The following TENM4 variants were observed in gnomAD, a reference collection of about 807,000 sequenced individuals.
TENM4 encodes the protein teneurin transmembrane protein 4, also known as teneurin-4.
A neutral mutation model predicts 243.3 loss-of-function variants in TENM4; 82 were observed. The ratio of observed to expected loss-of-function variants is 0.34; its 90% CI spans 0.28 to 0.40. TENM4 has a LOEUF of 0.40. TENM4 is among the 10% of genes least tolerant of loss of function. The pLI, the probability that TENM4 is intolerant of heterozygous loss-of-function variation, is 1.00. For missense variants in TENM4, 3,138 were observed against 3,673.3 expected, an observed-to-expected ratio of 0.85 and a Z score of 3.77; for synonymous variants, 1,412 against 1,456.3, an observed-to-expected ratio of 0.97 and a Z score of 0.69.
intron 9 of TENM4, among the ~76,000 whole-genome samples, chr11:78,887,875 A>T (rs756498335): frequency 6.6e-6 from 1 of 152,274 alleles, no homozygotes; most frequent in African/African-American, 2.4e-5. Context: ...ACTTCAACGC[A>T]AAACAAATGG....
At chr11:79,354,237 G>A (rs577276487) in intron 1 of TENM4, among the ~76,000 whole-genome samples, 1 of 152,162 alleles carries the variant, frequency 6.6e-6, no homozygotes, top group Non-Finnish European at 1.5e-5. Context: ...TTAAGTTGAC[G>A]TTGTTTCCAG....
intron 1 of TENM4, among the ~76,000 whole-genome samples, chr11:79,380,562 G>A (rs911801109): frequency 5.3e-5 from 8 of 152,158 alleles, no homozygotes; most frequent in African/African-American, 9.7e-5. Flanking sequence ...ATTCCTTGTC[G>A]CATAAGCTTG....
intron 1 of TENM4, among the ~76,000 whole-genome samples, chr11:79,395,465 T>C (rs1327937292): frequency 6.6e-6 from 1 of 152,196 alleles, no homozygotes; most frequent in African/African-American, 2.4e-5. Context: ...AACACATTCC[T>C]GAAGAGGACC....
intron 2 of TENM4, among the ~76,000 whole-genome samples, chr11:79,250,525 C>T (rs754166927): frequency 6.6e-6 from 1 of 152,214 alleles, no homozygotes; most frequent in South Asian, 2.1e-4. Flanking sequence ...TGAAGGCCAA[C>T]CCCACTGTTC....
chr11:79,155,921 C>T (rs1317406841), intron 3 of TENM4, among the ~76,000 whole-genome samples: 2 of 151,818 alleles, frequency 1.3e-5, no homozygotes, highest in South Asian at 2.1e-4. Context: ...TCCTTTTATC[C>T]CCCCACCCTT....
At chr11:79,436,916 A>G (rs1255276627) in intron 1 of TENM4, among the ~76,000 whole-genome samples, 1 of 152,200 alleles carries the variant, frequency 6.6e-6, no homozygotes, top group Non-Finnish European at 1.5e-5. Flanking sequence ...AGTTCAAGAC[A>G]CATGCTGGAA....
intron 1 of TENM4, among the ~76,000 whole-genome samples, chr11:79,360,255 G>C (rs1419535673): frequency 6.6e-6 from 1 of 152,156 alleles, no homozygotes. Flanking sequence ...TACAACAAAT[G>C]CTTGTTAAAC....
intron 17 of TENM4, among the ~76,000 whole-genome samples, chr11:78,772,050 C>G (rs1032242203): frequency 3.9e-5 from 6 of 152,108 alleles, no homozygotes; most frequent in African/African-American, 1.4e-4. Context: ...AGGAGACGTA[C>G]AAAATATGGT....
At chr11:79,144,599 T>C (rs909437430) in intron 4 of TENM4, among the ~76,000 whole-genome samples, 1 of 151,870 alleles carries the variant, frequency 6.6e-6, no homozygotes, top group Non-Finnish European at 1.5e-5. Context: ...TATTCAGCCA[T>C]AAAAAATAAA....
intron 4 of TENM4, among the ~76,000 whole-genome samples, chr11:79,131,750 G>T (rs1051237310): frequency 1.3e-5 from 2 of 152,086 alleles, no homozygotes; most frequent in African/African-American, 2.4e-5. Context: ...ATACAGAACC[G>T]CAGGGTGGAT....
chr11:79,127,419 A>G (rs577667921), intron 4 of TENM4, among the ~76,000 whole-genome samples: 2 of 136,350 alleles, frequency 1.5e-5, no homozygotes, highest in East Asian at 3.9e-4. Flanking sequence ...AGTGACTCCA[A>G]TTGCAGCTGC....
intron 12 of TENM4, among the ~76,000 whole-genome samples, chr11:78,838,525 C>T (rs993823546): frequency 9.9e-5 from 15 of 152,188 alleles, no homozygotes; most frequent in African/African-American, 3.6e-4. Context: ...TCTAGCTTGA[C>T]TTTTAAATAT....
intron 12 of TENM4, among the ~76,000 whole-genome samples, chr11:78,851,285 T>G (rs1009822457): frequency 6.6e-6 from 1 of 152,146 alleles, no homozygotes; most frequent in Non-Finnish European, 1.5e-5. Flanking sequence ...GTATGACCTA[T>G]TGGCCCTAAA....
At chr11:79,342,943 T>C (rs1302077437) in intron 1 of TENM4, among the ~76,000 whole-genome samples, 1 of 152,012 alleles carries the variant, frequency 6.6e-6, no homozygotes, top group African/African-American at 2.4e-5. Context: ...CTCTGGGGGG[T>C]GTTTGCACAG....
chr11:79,002,607 A>G (rs1258466335), intron 6 of TENM4, among the ~76,000 whole-genome samples: 3 of 152,294 alleles, frequency 2.0e-5, no homozygotes, highest in East Asian at 3.9e-4. Flanking sequence ...ACCAAAATCA[A>G]ACCCCCAAGC....
intron 6 of TENM4, among the ~76,000 whole-genome samples, chr11:79,019,046 T>G (rs2136791113): frequency 6.6e-6 from 1 of 152,254 alleles, no homozygotes; most frequent in South Asian, 2.1e-4. Flanking sequence ...GAATGTCCAC[T>G]CATGGGGAAG....
At chr11:79,135,714 T>C (rs1307614689) in intron 4 of TENM4, among the ~76,000 whole-genome samples, 2 of 134,430 alleles carry the variant, frequency 1.5e-5, no homozygotes, top group African/African-American at 5.5e-5. Context: ...ATCATACATA[T>C]ATGATCATAC....
At chr11:79,034,616 G>A (rs1025094785) in intron 6 of TENM4, among the ~76,000 whole-genome samples, 4 of 152,014 alleles carry the variant, frequency 2.6e-5, no homozygotes, top group African/African-American at 9.7e-5. Flanking sequence ...GTATCTATGG[G>A]GCCTAAAAAG....
At chr11:79,158,252 G>A (rs1862664144) in intron 3 of TENM4, among the ~76,000 whole-genome samples, 1 of 152,178 alleles carries the variant, frequency 6.6e-6, no homozygotes, top group South Asian at 2.1e-4. Context: ...AAGCTTTTCT[G>A]GCCACACCAG....
Sources: allele counts gnomAD v4.1 joint callset (sites outside exome capture counted in the v4.1 genomes callset), GRCh38; gene constraint gnomAD v4.1.1; transcripts MANE v1.5; gene names NCBI Gene and HGNC (gene_info 2026-07-23, HGNC 2026-07-21).